Variants in RBMS3 observed in about 807,000 individuals in gnomAD.
RBMS3 encodes RNA-binding motif, single-stranded-interacting protein 3.
In RBMS3, 27 loss-of-function variants were observed where a neutral mutation model predicts 66.8. The ratio of observed to expected loss-of-function variants is 0.40; its 90% CI spans 0.30 to 0.56. RBMS3 has a LOEUF of 0.56. Ranked by LOEUF, RBMS3 falls within the 20% of genes least tolerant of loss-of-function variation. The pLI is 0.40. For missense variants in RBMS3, 513 were observed against 549.5 expected (o/e 0.93, Z 0.66); for synonymous variants, 188 against 183.0 (o/e 1.03, Z -0.22).
intron 3 of RBMS3, among the ~76,000 whole-genome samples, chr3:29,524,792 G>C (rs993268903): frequency 6.6e-6 from 1 of 151,966 alleles, no homozygotes; most frequent in East Asian, 1.9e-4. Context: ...GGTGGTTAAT[G>C]CTGTAATCCC....
intron 4 of RBMS3, among the ~76,000 whole-genome samples, chr3:29,650,279 CTTTTTT>C (rs560594950): frequency 1.0e-5 from 1 of 96,234 alleles, no homozygotes; most frequent in Middle Eastern, 5.2e-3. Flanking sequence ...TCCTTTCTTT[CTTTTTT>C]TTTTTTTTTT....
intron 4 of RBMS3, among the ~76,000 whole-genome samples, chr3:29,595,792 T>A (rs1293468194): frequency 6.6e-6 from 1 of 152,186 alleles, no homozygotes; most frequent in Non-Finnish European, 1.5e-5. Context: ...AATCTTTCAA[T>A]AGCGAATGTC....
intron 3 of RBMS3, among the ~76,000 whole-genome samples, chr3:29,578,187 G>A (rs2047189199): frequency 6.6e-6 from 1 of 152,146 alleles, no homozygotes; most frequent in African/African-American, 2.4e-5. Context: ...AGTTTTAGTT[G>A]CCTTTCCAGG....
intron 6 of RBMS3, among the ~76,000 whole-genome samples, chr3:29,788,580 A>G (rs1244464987): frequency 6.6e-6 from 1 of 152,188 alleles, no homozygotes; most frequent in Admixed American, 6.5e-5. Flanking sequence ...TGATGACCAT[A>G]TAGTATTCCA....
At chr3:29,495,933 A>G (rs1400512600) in intron 3 of RBMS3, among the ~76,000 whole-genome samples, 8 of 152,296 alleles carry the variant, frequency 5.3e-5, no homozygotes, top group South Asian at 2.1e-4. Flanking sequence ...GCTGGTCCAC[A>G]TGGAAATCAA....
At chr3:29,913,404 G>A (rs570119963) in intron 10 of RBMS3, among the ~76,000 whole-genome samples, 12 of 151,980 alleles carry the variant, frequency 7.9e-5, no homozygotes, top group East Asian at 3.9e-4. Context: ...TTCAGTTGGC[G>A]TCACACTGTT....
chr3:29,952,282 C>A (rs1314666609), intron 12 of RBMS3, among the ~76,000 whole-genome samples: 1 of 151,800 alleles, frequency 6.6e-6, no homozygotes, highest in Non-Finnish European at 1.5e-5. Flanking sequence ...GATTCTATAA[C>A]CTAAATTCAT....
At chr3:29,339,086 C>T (rs368176256) in intron 1 of RBMS3, among the ~76,000 whole-genome samples, 1 of 152,140 alleles carries the variant, frequency 6.6e-6, no homozygotes, top group Non-Finnish European at 1.5e-5. Flanking sequence ...CCTCTCACCC[C>T]CACCTGTGGT....
At chr3:29,386,564 C>T (rs2039017804) in intron 1 of RBMS3, among the ~76,000 whole-genome samples, 1 of 152,136 alleles carries the variant, frequency 6.6e-6, no homozygotes, top group Admixed American at 6.5e-5. Context: ...TCACATACCT[C>T]TTCTGTATAC....
chr3:29,655,858 G>A (rs1033840360), intron 4 of RBMS3, among the ~76,000 whole-genome samples: 5 of 151,882 alleles, frequency 3.3e-5, no homozygotes, highest in African/African-American at 4.8e-5. Context: ...GGATGTGAAT[G>A]TGGAGGACAG....
chr3:29,460,659 A>G (rs556419617), intron 2 of RBMS3, among the ~76,000 whole-genome samples: 1 of 152,352 alleles, frequency 6.6e-6, no homozygotes, highest in East Asian at 1.9e-4. Flanking sequence ...AACAAATTTT[A>G]TTAATGCTTA....
At chr3:29,816,614 G>A (rs1022563016) in intron 6 of RBMS3, among the ~76,000 whole-genome samples, 1 of 152,078 alleles carries the variant, frequency 6.6e-6, no homozygotes, top group Non-Finnish European at 1.5e-5. Context: ...TTCTTCTGGT[G>A]CTTAGAAACC....
rs1242898241 is a variant in RBMS3 at position 29,762,936 on chromosome 3, T to C, written c.584T>C (p.Val195Ala). ...ARMESTEKCE[V>A]VIQHFNGKYL... ...ATGGAGTCTACTGAAAAATGTGAAGTGGTAATTCAACATTTTAATGGAAAA... is the reference window on the plus strand; with the variant it reads ...ATGGAGTCTACTGAAAAATGTGAAGCGGTAATTCAACATTTTAATGGAAAA... Residue 195 changes from valine to alanine, a missense_variant, in exon 6 of 15, where the codon GTG becomes GCG. Val to Ala is a moderately conservative substitution (Grantham distance 64). Transcript: ENST00000383767. The C allele has an allele frequency of 6.2e-7, 1 of 1,610,402 alleles. No individual in the cohort carries two copies. The highest frequency in any genetic ancestry group is 8.5e-7 in the Non-Finnish European group (1 of 1,177,816).
rs1449195782 is a variant in RBMS3, at chr3:30,005,760, A to G, written c.*1898A>G. 2 of 151,728 alleles carry G rather than the reference A, an allele frequency of 1.3e-5. No homozygotes were observed. Among genetic ancestry groups the G allele is most frequent in the African/African-American group, 2.4e-5 (1 of 41,376 alleles). The allele number at this position is 151,728 out of a possible 1,614,324, so 9.4% of individuals were successfully genotyped here. On this transcript the variant is annotated 3_prime_UTR_variant, in exon 15 of 15. Coordinates refer to ENST00000383767, the MANE Select transcript of RBMS3 (RefSeq NM_001003793.3). ...CTTTTTCTTTCAGTTTAATTCTTTGAGGCATGTAGGACCAATAAGATTGAG... is the reference window on the plus strand; with the variant it reads ...CTTTTTCTTTCAGTTTAATTCTTTGGGGCATGTAGGACCAATAAGATTGAG...
At chr3:29,517,869 G>C (rs948512387) in intron 3 of RBMS3, among the ~76,000 whole-genome samples, 2 of 152,176 alleles carry the variant, frequency 1.3e-5, no homozygotes, top group Non-Finnish European at 2.9e-5. Context: ...TACATACTGT[G>C]AGTAAAGTTC....
chr3:29,935,059 TATAAA>T (rs1341427903), intron 10 of RBMS3, among the ~76,000 whole-genome samples: 10 of 152,272 alleles, frequency 6.6e-5, no homozygotes, highest in African/African-American at 2.4e-4. Flanking sequence ...AATGGGTTGT[TATAAA>T]ATATGTTTCT....
At chr3:29,714,980 C>T (rs1402777923) in intron 4 of RBMS3, among the ~76,000 whole-genome samples, 1 of 151,644 alleles carries the variant, frequency 6.6e-6, no homozygotes, top group African/African-American at 2.4e-5. Flanking sequence ...TGTGTAGTTT[C>T]ATCCCTCATA....
At chr3:29,681,154 A>T (rs2051472947) in intron 4 of RBMS3, among the ~76,000 whole-genome samples, 2 of 152,198 alleles carry the variant, frequency 1.3e-5, no homozygotes. Flanking sequence ...TGCTCAGCCT[A>T]CTTGTTGGCC....
chr3:29,510,023 A>T (rs1261595555), intron 3 of RBMS3, among the ~76,000 whole-genome samples: 2 of 152,214 alleles, frequency 1.3e-5, no homozygotes, highest in Non-Finnish European at 2.9e-5. Context: ...TGTGATTAGA[A>T]ACTGGGATAA....
Sources: gnomAD v4.1 joint callset for allele counts (sites outside exome capture counted in the v4.1 genomes callset) on GRCh38, gnomAD v4.1.1 for gene constraint, MANE v1.5 for transcripts, NCBI Gene and HGNC (gene_info 2026-07-23, HGNC 2026-07-21) for gene names.